ZNF503: variants seen among roughly 807,000 people sequenced by gnomAD.
The protein encoded by ZNF503 is zinc finger protein 503, also known as NocA-like zinc finger 2.
In ZNF503, 15 loss-of-function variants were observed where a neutral mutation model predicts 34.4. The ratio of observed to expected loss-of-function variants is 0.44; its 90% confidence interval spans 0.29 to 0.67. The LOEUF is 0.67. Ranked by LOEUF, ZNF503 falls within the 30% of genes least tolerant of loss-of-function variation. ZNF503 has a pLI of 0.13. For synonymous variants in ZNF503, 580 were observed against 456.8 expected, an observed-to-expected ratio of 1.27 and a Z score of -3.44; for missense variants, 1,007 against 926.8, an observed-to-expected ratio of 1.09 and a Z score of -1.12.
At chr10:75,298,455 C>A in the ZNF503 span, among the ~76,000 whole-genome samples, 1 of 152,294 alleles carries the variant, frequency 6.6e-6, no homozygotes, top group East Asian at 1.9e-4. Flanking sequence ...TAATATGTGG[C>A]CTTTAACGCC....
the ZNF503 span, among the ~76,000 whole-genome samples, chr10:75,290,314 T>C: frequency 1.6e-3 from 250 of 152,172 alleles, no homozygotes; most frequent in Non-Finnish European, 2.6e-3. Flanking sequence ...CTTTCTCTTT[T>C]GGTGAATGAT....
the ZNF503 span, among the ~76,000 whole-genome samples, chr10:75,380,634 G>A: frequency 1.3e-5 from 2 of 152,194 alleles, no homozygotes; most frequent in African/African-American, 2.4e-5. Flanking sequence ...GTTTTGCACT[G>A]AGCAAAATCA....
At chr10:75,320,147 A>G in the ZNF503 span, among the ~76,000 whole-genome samples, 3 of 152,242 alleles carry the variant, frequency 2.0e-5, no homozygotes, top group Non-Finnish European at 4.4e-5. Flanking sequence ...ACTACAGACC[A>G]GTATTCCTCA....
intron 1 of ZNF503, 84 bp from the exon 2 acceptor site, chr10:75,400,458 T>A: frequency 6.8e-7 from 1 of 1,469,978 alleles, no homozygotes; most frequent in Non-Finnish European, 8.9e-7. Context: ...GGGGTTCAAA[T>A]GCCTCTCCGC....
At chr10:75,354,260 G>A in the ZNF503 span, among the ~76,000 whole-genome samples, 2 of 152,188 alleles carry the variant, frequency 1.3e-5, no homozygotes, top group African/African-American at 4.8e-5. Flanking sequence ...TTGGAGGTTT[G>A]ATCAAAGAGG....
chr10:75,360,191 G>A, the ZNF503 span, among the ~76,000 whole-genome samples: 2 of 136,566 alleles, frequency 1.5e-5, no homozygotes, highest in African/African-American at 2.8e-5. Context: ...CTCGATCTCC[G>A]CTCACTGCAA....
At chr10:75,305,853 CAG>C in the ZNF503 span, among the ~76,000 whole-genome samples, 1 of 152,152 alleles carries the variant, frequency 6.6e-6, no homozygotes, top group East Asian at 1.9e-4. Flanking sequence ...TAGCATGTGT[CAG>C]AATTGTCTTC....
At chr10:75,358,639 G>A in the ZNF503 span, 2 of 152,160 alleles carry the variant, frequency 1.3e-5, no homozygotes, top group African/African-American at 4.8e-5. Context: ...ATGGAGTGGT[G>A]AGCGAGTTCG....
At chr10:75,353,378 G>A in the ZNF503 span, among the ~76,000 whole-genome samples, 8 of 152,152 alleles carry the variant, frequency 5.3e-5, no homozygotes, top group Non-Finnish European at 8.8e-5. Context: ...CTGACCCTGC[G>A]GAGACCTTTG....
At chr10:75,354,915 G>A in the ZNF503 span, among the ~76,000 whole-genome samples, 1 of 152,078 alleles carries the variant, frequency 6.6e-6, no homozygotes, top group Non-Finnish European at 1.5e-5. Context: ...GCACGATCTC[G>A]GCTCACTGCA....
the ZNF503 span, among the ~76,000 whole-genome samples, chr10:75,323,528 C>T: frequency 1.3e-5 from 2 of 152,146 alleles, no homozygotes; most frequent in Non-Finnish European, 2.9e-5. Flanking sequence ...TTGCTCCACA[C>T]TTTGGTAGTA....
downstream of ZNF503, among the ~76,000 whole-genome samples, chr10:75,394,901 C>T (rs12242698): frequency 2.3e-3 from 352 of 152,256 alleles, 5 homozygotes; most frequent in Middle Eastern, 0.01. Context: ...TGCATCTATG[C>T]GGAGTTACCC....
rs772844174 is a variant in ZNF503 at position 75,401,351 on chromosome 10, GCCT to G, written c.66_68del (p.Gly27del). The G allele has an allele frequency of 4.5e-5, 69 of 1,531,046 alleles. No homozygotes were observed. In the African/African-American group the frequency reaches 8.9e-4, roughly 20 times the overall value. The allele number at this position is 1,531,046 out of a possible 1,614,324, so 94.8% of individuals were successfully genotyped here. A position where few individuals can be genotyped will look rare whatever the true frequency, so the allele number is the denominator to read the frequency against. ...AGGCAGGGTCTGCACCGCCGCCTCC[GCCT>G]CCGCCGCCGCCGCCGCCGCTGTGCT... On this transcript the variant is annotated inframe_deletion, in exon 1 of 2. Transcript: ENST00000372524.
the ZNF503 span, among the ~76,000 whole-genome samples, chr10:75,332,845 A>G: frequency 7.0e-5 from 10 of 143,518 alleles, no homozygotes; most frequent in African/African-American, 2.4e-4. Context: ...CTTAGTGCAG[A>G]ACAAAATGAA....
upstream of ZNF503, chr10:75,401,778 AC>A (rs1843832129): frequency 3.4e-6 from 1 of 297,460 alleles, no homozygotes. Context: ...GAGGAAACTC[AC>A]TTCAAAAGCA....
chr10:75,365,309 G>A, the ZNF503 span, among the ~76,000 whole-genome samples: 12 of 152,228 alleles, frequency 7.9e-5, no homozygotes, highest in African/African-American at 2.2e-4. Context: ...CACCACACCC[G>A]GCTAATTTTT....
chr10:75,394,308 A>G (rs1236027010), downstream of ZNF503, among the ~76,000 whole-genome samples: 1 of 152,222 alleles, frequency 6.6e-6, no homozygotes, highest in African/African-American at 2.4e-5. Flanking sequence ...GTGAAGTGTA[A>G]GTGGGATGAT....
At chr10:75,373,486 G>A in the ZNF503 span, 4 of 152,170 alleles carry the variant, frequency 2.6e-5, no homozygotes, top group Non-Finnish European at 4.4e-5. Flanking sequence ...GCAGACTCTG[G>A]GAACCCGCAG....
downstream of ZNF503, among the ~76,000 whole-genome samples, chr10:75,396,546 G>C (rs1055722966): frequency 6.6e-6 from 1 of 152,224 alleles, no homozygotes; most frequent in African/African-American, 2.4e-5. This position sits in a 1 kb window ranked among gnomAD's most constrained non-coding sequence, Gnocchi z 4.4. Flanking sequence ...AATGGCGGCA[G>C]GGGCCGCGGG....
Sources: gnomAD v4.1 joint callset for allele counts (sites outside exome capture counted in the v4.1 genomes callset) on GRCh38, gnomAD v4.1.1 for gene constraint, Gnocchi (gnomAD v3.1) non-coding constraint, MANE v1.5 for transcripts, NCBI Gene and HGNC (gene_info 2026-07-23, HGNC 2026-07-21) for gene names.